Variants in CNTRL observed in about 807,000 individuals in gnomAD.
CNTRL encodes 110 kDa centrosomal protein.
CNTRL carries 233 observed loss-of-function variants against 303.7 expected under a neutral mutation model. The ratio of observed to expected loss-of-function variants is 0.77; its 90% confidence interval spans 0.69 to 0.86. The LOEUF is 0.86. Ranked by LOEUF, CNTRL falls within the 40% of genes least tolerant of loss-of-function variation. The pLI, the probability that CNTRL is intolerant of heterozygous loss-of-function variation, is 0.00. For missense variants in CNTRL, 2,524 were observed against 2,650.6 expected, an observed-to-expected ratio of 0.95 and a Z score of 1.05; for synonymous variants, 900 against 922.2, an observed-to-expected ratio of 0.98 and a Z score of 0.44.
intron 14 of CNTRL, among the ~76,000 whole-genome samples, chr9:121,131,803 C>T (rs1465977686): frequency 6.6e-6 from 1 of 152,192 alleles, no homozygotes; most frequent in East Asian, 1.9e-4. Context: ...GTGCTTCCTT[C>T]AGGAGCTCTT....
At chr9:121,075,255 C>G (rs1171522284) in intron 1 of CNTRL, among the ~76,000 whole-genome samples, 188 bp downstream of exon 1, 8 of 149,772 alleles carry the variant, frequency 5.3e-5, no homozygotes, top group Non-Finnish European at 1.2e-4. Flanking sequence ...GGGCGTGGGG[C>G]GGTGGATGAA....
intron 19 of CNTRL, 95 bp from the exon 20 acceptor site, chr9:121,143,808 A>C (rs1037549275): frequency 1.2e-6 from 1 of 851,056 alleles, no homozygotes; most frequent in Admixed American, 2.6e-5. Flanking sequence ...TGTTCTAGGC[A>C]GCAGTGAACA....
At chr9:121,128,757 G>C (rs772279601) in intron 14 of CNTRL, among the ~76,000 whole-genome samples, 7 of 152,152 alleles carry the variant, frequency 4.6e-5, no homozygotes, top group Non-Finnish European at 1.0e-4. Context: ...TTTTCTTCTA[G>C]GATTTTTATG....
At chr9:121,117,649 A>G (rs1187605917) in intron 11 of CNTRL, among the ~76,000 whole-genome samples, 2 of 152,184 alleles carry the variant, frequency 1.3e-5, no homozygotes, top group African/African-American at 4.8e-5. Context: ...TGGGATAATT[A>G]TACTTTTTAC....
chr9:121,163,207 C>G (rs1200348225), intron 34 of CNTRL, among the ~76,000 whole-genome samples: 4 of 149,876 alleles, frequency 2.7e-5, no homozygotes, highest in Non-Finnish European at 4.4e-5. Flanking sequence ...TAAAAATAGC[C>G]AGGTTGGGAA....
At chr9:121,170,459 T>G (rs1564305089) in intron 39 of CNTRL, among the ~76,000 whole-genome samples, 2 of 150,418 alleles carry the variant, frequency 1.3e-5, no homozygotes, top group South Asian at 4.2e-4. Flanking sequence ...AGAGTTTATT[T>G]TTATTTTTAT....
chr9:121,090,040 A>AATTTTTGTTT (rs1199652452), intron 3 of CNTRL, among the ~76,000 whole-genome samples: 1 of 148,952 alleles, frequency 6.7e-6, no homozygotes, highest in African/African-American at 2.6e-5. Context: ...ACAATACATT[A>AATTTTTGTTT]TAGTTATTAC....
At chr9:121,167,808 C>A in intron 37 of CNTRL, 131 bp downstream of exon 37, 1 of 768,122 alleles carries the variant, frequency 1.3e-6, no homozygotes, top group Non-Finnish European at 2.1e-6. Flanking sequence ...CCTGTGTAGC[C>A]ATGGGTGGCA....
rs748639275 is a variant in CNTRL at position 121,157,518 on chromosome 9, C to T, written c.4414C>T (p.Gln1472Ter). 2 of 1,614,030 alleles carry T rather than the reference C, an allele frequency of 1.2e-6. No homozygotes were observed. Among genetic ancestry groups the T allele is most frequent in the South Asian group, 1.1e-5 (1 of 91,076 alleles). ...CACTGATGCCAAGAGAAGTTTATTG[C>T]AAACTGAGTCAGATGCTGAGGAATT... is the stretch of plus-strand genomic sequence containing the variant. ...KFTDAKRSLLQTESDAEELER... is the reference protein window; with the variant it reads ...KFTDAKRSLL Residue 1472 changes from glutamine to a stop codon, truncating the protein, a stop_gained, in exon 28 of 44, where the codon CAA (glutamine) becomes TAA (stop). Coordinates refer to ENST00000373855, the MANE Select transcript of CNTRL (RefSeq NM_007018.6). LOFTEE classifies it high-confidence loss of function.
intron 7 of CNTRL, among the ~76,000 whole-genome samples, chr9:121,107,397 A>G (rs1396558797): frequency 1.3e-5 from 2 of 152,172 alleles, no homozygotes; most frequent in South Asian, 2.1e-4. Context: ...AGCCTTTTGG[A>G]TCTTATCCTA....
At chr9:121,169,871 A>C (rs1367679356) in intron 39 of CNTRL, 55 bp downstream of exon 39, 1 of 1,391,726 alleles carries the variant, frequency 7.2e-7, no homozygotes, top group African/African-American at 1.4e-5. Context: ...TAAAATTTTA[A>C]ACTGCAACAC....
intron 12 of CNTRL, 133 bp from the exon 13 acceptor site, chr9:121,123,798 T>C (rs903803274): frequency 3.2e-6 from 2 of 627,084 alleles, no homozygotes; most frequent in African/African-American, 3.8e-5. Context: ...GAAAACAATA[T>C]AGGGCCTGAC....
chr9:121,141,971 A>G (rs765673269), intron 18 of CNTRL, 120 bp from the exon 19 acceptor site: 216 of 753,234 alleles, frequency 2.9e-4, no homozygotes, highest in Non-Finnish European at 8.1e-5. Flanking sequence ...CTGACAACTC[A>G]TTAGTAAAAA....
At chr9:121,150,604 C>T in intron 25 of CNTRL, 121 bp downstream of exon 25, 1 of 934,822 alleles carries the variant, frequency 1.1e-6, no homozygotes, top group Non-Finnish European at 1.6e-6. Flanking sequence ...GTTTGTAAGG[C>T]TGATGTTTAG....
At chr9:121,102,734 A>G (rs887571671) in intron 7 of CNTRL, among the ~76,000 whole-genome samples, 2 of 152,238 alleles carry the variant, frequency 1.3e-5, no homozygotes, top group East Asian at 1.9e-4. Context: ...AAAAATCACA[A>G]GCATTCCTAT....
intron 5 of CNTRL, among the ~76,000 whole-genome samples, chr9:121,095,259 C>G (rs536387611): frequency 6.6e-6 from 1 of 152,080 alleles, no homozygotes; most frequent in South Asian, 2.1e-4. Context: ...TTTTGAGCAC[C>G]AAATTGTATC....
At chr9:121,078,209 C>T (rs537951966) in intron 1 of CNTRL, among the ~76,000 whole-genome samples, 1 of 152,068 alleles carries the variant, frequency 6.6e-6, no homozygotes, top group Non-Finnish European at 1.5e-5. Context: ...AAGTTTGAGA[C>T]CAGCCTGGCC....
At chr9:121,108,958 A>G (rs985149218) in intron 8 of CNTRL, among the ~76,000 whole-genome samples, 1 of 152,188 alleles carries the variant, frequency 6.6e-6, no homozygotes, top group Admixed American at 6.5e-5. Context: ...TAATGTATAT[A>G]TAATTAAGCA....
chr9:121,169,613 C>T lies in CNTRL; in HGVS notation c.6073C>T (p.Arg2025Trp), dbSNP rs34344401. ...SLEKTLSQTKRQLSEREQQLV... is the reference protein window; with the variant it reads ...SLEKTLSQTKWQLSEREQQLV... ...CCTACTGAAAATGCTCATTTCAGAACGGCAGCTTTCAGAAAGGGAGCAGCA... is the reference window on the plus strand; with the variant it reads ...CCTACTGAAAATGCTCATTTCAGAATGGCAGCTTTCAGAAAGGGAGCAGCA... The change falls in exon 39 of 44, where the codon CGG becomes TGG. Residue 2025 changes from arginine to tryptophan, a missense_variant and splice_region_variant. Arg to Trp is a moderately radical substitution (Grantham distance 101). Transcript: ENST00000373855. The T allele has an allele frequency of 2.6e-4, 425 of 1,613,984 alleles. 2 individuals are homozygous for T. The African/African-American group carries it at 2.9e-3, about 11-fold the overall frequency.
Sources: allele counts gnomAD v4.1 joint callset (sites outside exome capture counted in the v4.1 genomes callset), GRCh38; gene constraint gnomAD v4.1.1; transcripts MANE v1.5; gene names NCBI Gene and HGNC (gene_info 2026-07-23, HGNC 2026-07-21).